Variants in MAST2 observed in about 807,000 individuals in gnomAD.
MAST2 encodes the protein microtubule-associated serine/threonine-protein kinase 2.
In MAST2, 70 loss-of-function variants were observed where a neutral mutation model predicts 147.4. The observed-to-expected ratio is 0.47, with a 90% confidence interval of 0.39 to 0.58. The LOEUF (loss-of-function observed/expected upper bound fraction) is 0.58. MAST2 is among the 20% of genes least tolerant of loss of function. The pLI, the probability that MAST2 is intolerant of heterozygous loss-of-function variation, is 0.00. For missense variants in MAST2, 2,080 were observed against 2,302.3 expected (o/e 0.90, Z 1.98); for synonymous variants, 869 against 896.8 (o/e 0.97, Z 0.55).
chr1:45,826,685 ACTAT>A (rs1644803034), intron 2 of MAST2, among the ~76,000 whole-genome samples: 1 of 151,956 alleles, frequency 6.6e-6, no homozygotes, highest in African/African-American at 2.4e-5. Flanking sequence ...CTCCATGCTT[ACTAT>A]AGCTTATACC....
rs34533331 is a variant in MAST2, at chr1:45,878,930, C to CTT, written c.469-3423_469-3422dup. ...CAAATTGATGTATAATCCCAGCAGGCTTTTTTTTTTTTGGTAAAAATTAAT... is the reference window on the plus strand; with the variant it reads ...CAAATTGATGTATAATCCCAGCAGGCTTTTTTTTTTTTTTGGTAAAAATTAAT... On this transcript the variant is annotated intron_variant, in intron 3 of 28. Coordinates refer to ENST00000361297, the MANE Select transcript of MAST2 (RefSeq NM_015112.3). Among the ~76,000 whole-genome samples the CTT allele has an allele frequency of 2.1e-3, 307 of 145,858 alleles. 1 individual carries two copies. The Middle Eastern group carries it at 0.038, about 18-fold the overall frequency.
intron 3 of MAST2, among the ~76,000 whole-genome samples, chr1:45,882,141 A>G (rs11211215): frequency 0.34 from 50,855 of 149,978 alleles, 9,077 homozygotes; most frequent in African/African-American, 0.44. Context: ...GCAGTGAGCC[A>G]AGATTGCGCC....
chr1:45,922,963 G>A (rs1305668998), intron 4 of MAST2, among the ~76,000 whole-genome samples: 1 of 152,202 alleles, frequency 6.6e-6, no homozygotes, highest in African/African-American at 2.4e-5. Context: ...CCATGGGGCT[G>A]GTGAACAATG....
Position 46,032,625 on chromosome 1 carries a change from G to C in MAST2, c.3444G>C (p.Glu1148Asp). The change falls in exon 26 of 29, where the codon GAG becomes GAC. Residue 1148 changes from glutamate (E) to aspartate (D), a missense_variant. Coordinates refer to ENST00000361297, the MANE Select transcript of MAST2 (RefSeq NM_015112.3). ...TGGAGGATGGAGGTCCGGCCAGTGA[G>C]GCAGGGCTTCGTCAAGGTGACCTCA... is the stretch of plus-strand genomic sequence containing the variant. ...WHVEDGGPAS[E>D]AGLRQGDLIT... 6.2e-7 allele frequency: 1 copy of C among 1,614,212 alleles called. No individual in the cohort carries two copies. The highest frequency in any genetic ancestry group is 8.5e-7 in the Non-Finnish European group (1 of 1,180,036).
intron 3 of MAST2, among the ~76,000 whole-genome samples, chr1:45,866,866 C>T (rs538633037): frequency 2.0e-5 from 3 of 152,132 alleles, no homozygotes; most frequent in South Asian, 4.1e-4. Context: ...CCTCTGCCTC[C>T]GGAGTCGAGT....
chr1:46,032,206 C>T lies in MAST2; in HGVS notation c.3216C>T (p.Ser1072=), dbSNP rs775080892. The change falls in exon 25 of 29, where the codon AGC becomes AGT. Residue 1072 remains serine (S), a synonymous_variant. Coordinates refer to ENST00000361297, the MANE Select transcript of MAST2 (RefSeq NM_015112.3). The stretch of plus-strand genomic sequence containing the variant: ...ACCACACCTGCTCCCCGTTGGCCAG[C>T]CCCATGTCCCCACATTCTCAGTCGT... ...SEHHTCSPLA[S]PMSPHSQSSN... 5.6e-6 allele frequency: 9 copies of T among 1,614,186 alleles called. No homozygotes were observed. Among genetic ancestry groups the T allele is most frequent in the Non-Finnish European group, 6.8e-6 (8 of 1,180,024 alleles).
intron 3 of MAST2, among the ~76,000 whole-genome samples, chr1:45,881,628 C>T (rs1435821475): frequency 6.6e-6 from 1 of 152,070 alleles, no homozygotes; most frequent in African/African-American, 2.4e-5. Flanking sequence ...ATTAACTATA[C>T]TACTTTATTT....
chr1:46,027,835 A>G lies in MAST2; in HGVS notation c.2024A>G (p.Lys675Arg). 6.2e-7 allele frequency: 1 copy of G among 1,614,102 alleles called. No individual in the cohort carries two copies. The highest frequency in any genetic ancestry group is 8.5e-7 in the Non-Finnish European group (1 of 1,179,982). Reference protein sequence around the residue: ...TTNLYEGHIEKDAREFLDKQV... With the variant: ...TTNLYEGHIERDAREFLDKQV... ...AACTTGTATGAGGGTCATATTGAAA[A>G]GGATGCCCGGGAATTCCTGGACAAG... Residue 675 changes from lysine (K) to arginine (R), a missense_variant, in exon 17 of 29, where the codon AAG becomes AGG. By Grantham distance (26) the Lys-to-Arg change is conservative. Around this residue, in one of 4 missense-constraint regions of MAST2, gnomAD observed 209 missense variants for 309.5 expected, o/e 0.68. Coordinates refer to ENST00000361297, the MANE Select transcript of MAST2 (RefSeq NM_015112.3).
chr1:45,846,816 C>G (rs566313454), intron 3 of MAST2, among the ~76,000 whole-genome samples: 2 of 133,862 alleles, frequency 1.5e-5, no homozygotes, highest in South Asian at 5.0e-4. Context: ...CAGTGCAAGA[C>G]TCCGTCTTAA....
chr1:45,980,518 T>A (rs1644365643), intron 5 of MAST2, among the ~76,000 whole-genome samples: 1 of 152,194 alleles, frequency 6.6e-6, no homozygotes, highest in African/African-American at 2.4e-5. Flanking sequence ...AAATATTTTC[T>A]TCAGAATGTT....
intron 3 of MAST2, among the ~76,000 whole-genome samples, chr1:45,878,364 T>G (rs1381677035): frequency 6.6e-6 from 1 of 152,164 alleles, no homozygotes; most frequent in Non-Finnish European, 1.5e-5. Context: ...CATGCCCATT[T>G]GTGAGAAAGA....
intron 4 of MAST2, among the ~76,000 whole-genome samples, chr1:45,936,426 G>A (rs1570805179): frequency 1.3e-5 from 2 of 151,500 alleles, no homozygotes; most frequent in Admixed American, 6.6e-5. Flanking sequence ...GTGAGAGTGG[G>A]CATTCTTGTT....
At chr1:45,970,885 G>A (rs560686242) in intron 5 of MAST2, among the ~76,000 whole-genome samples, 15 of 151,032 alleles carry the variant, frequency 9.9e-5, no homozygotes, top group African/African-American at 3.2e-4. Flanking sequence ...TACATGCCAG[G>A]CCAGAACTGG....
At chr1:45,829,227 A>G (rs1557811451) in intron 2 of MAST2, among the ~76,000 whole-genome samples, 2 of 152,142 alleles carry the variant, frequency 1.3e-5, no homozygotes, top group Non-Finnish European at 2.9e-5. Flanking sequence ...TAGTTAATCC[A>G]TTTCAGTGTT....
At position 46,000,313 on chromosome 1, in the gene MAST2, G is replaced by GAAACA. The variant is rs764703894; in HGVS notation, c.669-2478_669-2474dup. The stretch of plus-strand genomic sequence containing the variant: ...TGGGCGACAGAGCAAGACTCCATCT[G>GAAACA]AAACAAAACAAAACAAAAAAAGAAC... On this transcript the variant is annotated intron_variant, in intron 6 of 28. Transcript: ENST00000361297. Among the ~76,000 whole-genome samples, 132 of 152,180 alleles carry GAAACA rather than the reference G, an allele frequency of 8.7e-4. 1 individual carries two copies. Among genetic ancestry groups the GAAACA allele is most frequent in the African/African-American group, 1.3e-3 (54 of 41,512 alleles).
chr1:46,034,890 G>A lies in MAST2; in HGVS notation c.4221G>A (p.Ser1407=), dbSNP rs202087542. ...PRSPLLKRVQ[S]AEKLAAALAA... is the part of the protein sequence containing the mutation. The stretch of plus-strand genomic sequence containing the variant: ...CACCACTACTCAAGAGGGTGCAGTC[G>A]GCTGAGAAACTGGCAGCAGCACTTG... Residue 1407 remains serine, a synonymous_variant, in exon 29 of 29, where the codon TCG becomes TCA. Transcript: ENST00000361297. 4.5e-4 allele frequency: 730 copies of A among 1,614,218 alleles called. 1 individual carries two copies. The highest frequency in any genetic ancestry group is 4.7e-4 in the Non-Finnish European group (550 of 1,180,042).
intron 4 of MAST2, among the ~76,000 whole-genome samples, chr1:45,894,103 C>A (rs776875803): frequency 4.6e-5 from 7 of 152,004 alleles, no homozygotes; most frequent in Non-Finnish European, 8.8e-5. Context: ...GTGGTCCCAG[C>A]TACTTGGGAG....
At chr1:46,004,501 C>T (rs1017531610) in intron 7 of MAST2, among the ~76,000 whole-genome samples, 7 of 152,042 alleles carry the variant, frequency 4.6e-5, no homozygotes, top group African/African-American at 1.7e-4. Context: ...CTTTAAAATA[C>T]CAGTTTTGCC....
intron 12 of MAST2, 134 bp downstream of exon 12, chr1:46,022,216 G>A (rs1646217842): frequency 1.4e-5 from 15 of 1,087,576 alleles, no homozygotes. Context: ...AGGATTTTAG[G>A]AGATACCCTG....
Sources: gnomAD v4.1 joint callset for allele counts (sites outside exome capture counted in the v4.1 genomes callset) on GRCh38, gnomAD v4.1.1 for gene constraint, gnomAD v4.1.1 regional missense constraint, MANE v1.5 for transcripts, NCBI Gene and HGNC (gene_info 2026-07-23, HGNC 2026-07-21) for gene names.